ZBTB20: variants seen among roughly 807,000 people sequenced by gnomAD.
The protein encoded by ZBTB20 is zinc finger and BTB domain containing 20, also known as zinc finger and BTB domain-containing protein 20.
A neutral mutation model predicts 56.9 loss-of-function variants in ZBTB20; 9 were observed. That is an observed-to-expected ratio of 0.16 (90% CI 0.10 to 0.28). ZBTB20 has a LOEUF of 0.28. Ranked by LOEUF, ZBTB20 falls within the 10% of genes least tolerant of loss-of-function variation. The pLI, the probability that ZBTB20 is intolerant of heterozygous loss-of-function variation, is 1.00. For synonymous variants in ZBTB20, 417 were observed against 420.7 expected, an observed-to-expected ratio of 0.99 and a Z score of 0.11; for missense variants, 655 against 1,003.0, an observed-to-expected ratio of 0.65 and a Z score of 4.69.
chr3:115,080,735 A>C (rs2108539467), intron 1 of ZBTB20, among the ~76,000 whole-genome samples: 1 of 152,272 alleles, frequency 6.6e-6, no homozygotes, highest in East Asian at 1.9e-4. Flanking sequence ...TTAATTCATA[A>C]ATTCCTTATA....
At chr3:114,549,281 C>G (rs555426619) in intron 6 of ZBTB20, among the ~76,000 whole-genome samples, 1 of 152,196 alleles carries the variant, frequency 6.6e-6, no homozygotes, top group South Asian at 2.1e-4. Flanking sequence ...TGATAAAATA[C>G]TTTCTTTAAG....
At chr3:114,943,538 T>A (rs1180852147) in intron 3 of ZBTB20, among the ~76,000 whole-genome samples, 2 of 145,444 alleles carry the variant, frequency 1.4e-5, no homozygotes, top group Admixed American at 1.3e-4. Context: ...GGGATTTATA[T>A]TAAAAACCCA....
At chr3:114,966,987 T>C (rs2077673717) in intron 3 of ZBTB20, among the ~76,000 whole-genome samples, 2 of 152,178 alleles carry the variant, frequency 1.3e-5, no homozygotes, top group Admixed American at 1.3e-4. Context: ...GTTGCCTAAA[T>C]TAACTTTCTG....
intron 6 of ZBTB20, among the ~76,000 whole-genome samples, chr3:114,529,789 T>A (rs1335708336): frequency 6.6e-6 from 1 of 152,256 alleles, no homozygotes; most frequent in Non-Finnish European, 1.5e-5. Flanking sequence ...TTTTGTGTAC[T>A]GCATCCCCAA....
At chr3:115,006,593 T>C (rs1021327183) in intron 2 of ZBTB20, among the ~76,000 whole-genome samples, 1 of 151,668 alleles carries the variant, frequency 6.6e-6, no homozygotes, top group Non-Finnish European at 1.5e-5. Context: ...CAAAAATATA[T>C]TGTGCCTTTA....
chr3:114,902,489 AT>A (rs1278081747), intron 3 of ZBTB20, among the ~76,000 whole-genome samples: 1 of 152,188 alleles, frequency 6.6e-6, no homozygotes, highest in African/African-American at 2.4e-5. Context: ...GATTTGGTAC[AT>A]TTTAAAGCAA....
At chr3:114,509,150 C>G (rs1207914471) in intron 6 of ZBTB20, among the ~76,000 whole-genome samples, 1 of 152,118 alleles carries the variant, frequency 6.6e-6, no homozygotes, top group Non-Finnish European at 1.5e-5. Flanking sequence ...CCCCCACCTT[C>G]TAGTCCTACT....
intron 5 of ZBTB20, among the ~76,000 whole-genome samples, chr3:114,769,808 C>G (rs1333830121): frequency 6.6e-6 from 1 of 151,850 alleles, no homozygotes; most frequent in Non-Finnish European, 1.5e-5. Context: ...CCTGTAATCC[C>G]AGAACTTTGG....
At chr3:114,862,721 A>G (rs2075589038) in intron 4 of ZBTB20, among the ~76,000 whole-genome samples, 1 of 152,142 alleles carries the variant, frequency 6.6e-6, no homozygotes, top group Admixed American at 6.6e-5. Context: ...GTGTATAAAT[A>G]AGGGAAGCTT....
At chr3:114,478,302 C>T (rs564985595) in intron 7 of ZBTB20, among the ~76,000 whole-genome samples, 2 of 152,184 alleles carry the variant, frequency 1.3e-5, no homozygotes, top group African/African-American at 2.4e-5. Flanking sequence ...TCCTCAGAGG[C>T]AGATATGAAT....
At chr3:114,585,851 T>C (rs900541602) in intron 6 of ZBTB20, among the ~76,000 whole-genome samples, 2 of 152,256 alleles carry the variant, frequency 1.3e-5, no homozygotes, top group Admixed American at 6.5e-5. Flanking sequence ...TTCTCTGACA[T>C]GTACAGTATC....
At chr3:114,375,363 G>A (rs1004702178) in intron 10 of ZBTB20, among the ~76,000 whole-genome samples, 7 of 152,100 alleles carry the variant, frequency 4.6e-5, no homozygotes, top group African/African-American at 1.7e-4. Context: ...ACACAAATGG[G>A]TAAACCAGAT....
At chr3:114,719,985 C>T (rs568092058) in intron 5 of ZBTB20, among the ~76,000 whole-genome samples, 1 of 150,518 alleles carries the variant, frequency 6.6e-6, no homozygotes, top group Admixed American at 6.6e-5. Flanking sequence ...AATAATGAGG[C>T]CAAATAATGC....
chr3:114,966,002 A>G (rs2077633860), intron 3 of ZBTB20, among the ~76,000 whole-genome samples: 1 of 152,164 alleles, frequency 6.6e-6, no homozygotes, highest in Non-Finnish European at 1.5e-5. Context: ...ATAAAAAAAG[A>G]GGCAAACATT....
At chr3:114,744,095 T>C (rs867636) in intron 5 of ZBTB20, among the ~76,000 whole-genome samples, 122,486 of 152,088 alleles carry the variant, frequency 0.81, 50,072 homozygotes, top group Non-Finnish European at 0.88. Context: ...ATAATCACAA[T>C]GAACCTTTTA....
rs1472183425 is a variant in ZBTB20, at chr3:115,126,856, TC to T, written c.-703+20362del. 4.6e-5 allele frequency among the ~76,000 whole-genome samples: 7 copies of T among 152,304 alleles called. No individual in the cohort carries two copies. The East Asian group carries it at 1.3e-3, about 29-fold the overall frequency. On this transcript the variant is annotated intron_variant, in intron 1 of 11. Transcript: ENST00000675478. ...TTAGGTCTTGGACTCACAGGTTATTTCTTTTGATTTAAAATAACAAACGAAT... is the reference window on the plus strand; with the variant it reads ...TTAGGTCTTGGACTCACAGGTTATTTTTTTGATTTAAAATAACAAACGAAT...
intron 5 of ZBTB20, among the ~76,000 whole-genome samples, chr3:114,743,251 T>C (rs912627354): frequency 6.6e-6 from 1 of 152,138 alleles, no homozygotes; most frequent in African/African-American, 2.4e-5. Flanking sequence ...AAATTTGGAA[T>C]GGCTTCCTCC....
At chr3:114,926,450 C>T (rs900034199) in intron 3 of ZBTB20, among the ~76,000 whole-genome samples, 3 of 152,096 alleles carry the variant, frequency 2.0e-5, no homozygotes, top group African/African-American at 7.2e-5. Flanking sequence ...TATTTCTCCA[C>T]ACAAGAAGCA....
rs573899964 is a variant in ZBTB20, at chr3:114,950,120, T to C, written c.-456+24246A>G. On this transcript the variant is annotated intron_variant, in intron 3 of 11. Coordinates refer to ENST00000675478, the MANE Select transcript of ZBTB20 (RefSeq NM_001348800.3). ...CAAGTGTTTTCGACGAGTAGAACAATAGGATCTCTCTTATACAGTAGTCCC... is the reference window on the plus strand; with the variant it reads ...CAAGTGTTTTCGACGAGTAGAACAACAGGATCTCTCTTATACAGTAGTCCC... 2.0e-5 allele frequency among the ~76,000 whole-genome samples: 3 copies of C among 152,216 alleles called. 1 individual carries two copies. In the South Asian group the frequency reaches 6.2e-4, roughly 32 times the overall value.
Sources: allele counts gnomAD v4.1 joint callset (sites outside exome capture counted in the v4.1 genomes callset), GRCh38; gene constraint gnomAD v4.1.1; transcripts MANE v1.5; gene names NCBI Gene and HGNC (gene_info 2026-07-23, HGNC 2026-07-21).